The following ACSL5 variants were observed in gnomAD, a reference collection of about 807,000 sequenced individuals.
ACSL5 encodes the protein long-chain-fatty-acid--CoA ligase 5.
In ACSL5, 50 loss-of-function variants were observed where a neutral mutation model predicts 84.9. The observed-to-expected ratio is 0.59, with a 90% confidence interval of 0.47 to 0.75. The LOEUF (loss-of-function observed/expected upper bound fraction) is 0.75, where lower values mean the gene tolerates loss of function less well. Among genes scored for constraint, ACSL5 ranks in the 30% least tolerant of loss-of-function variants. The probability of loss-of-function intolerance (pLI) is 0.00; values close to 1 mark genes in which losing one functional copy is unlikely to be tolerated. For missense variants in ACSL5, 775 were observed against 830.4 expected (o/e 0.93, Z 0.82); for synonymous variants, 280 against 300.7 (o/e 0.93, Z 0.71).
chr10:112,377,906 G>A (rs892828049), intron 1 of ACSL5, among the ~76,000 whole-genome samples: 2 of 152,174 alleles, frequency 1.3e-5, no homozygotes, highest in Non-Finnish European at 2.9e-5. Context: ...GCATACCCCA[G>A]ATAAATGCAT....
chr10:112,381,048 G>T (rs1044598368), intron 1 of ACSL5, among the ~76,000 whole-genome samples: 7 of 152,120 alleles, frequency 4.6e-5, no homozygotes, highest in African/African-American at 1.7e-4. Context: ...GAGATTACAG[G>T]GATGGGCCAT....
In ACSL5 at chr10:112,416,967, A is replaced by T; in HGVS notation, c.1163A>T (p.Lys388Met). ...AVSSKFKELQ[K>M]GIIRHDSFWD... ...TCCAGTAAATTCAAAGAGCTTCAAA[A>T]GGGTATCATCAGGCATGATAGTTTC... is the stretch of plus-strand genomic sequence containing the variant. Residue 388 changes from lysine (K) to methionine (M), a missense_variant, in exon 13 of 21, where the codon AAG becomes ATG. Physicochemically the swap from Lys to Met is moderately conservative, Grantham distance 95. Transcript: ENST00000354655. 6.2e-7 allele frequency: 1 copy of T among 1,614,106 alleles called. No individual in the cohort carries two copies. The highest frequency in any genetic ancestry group is 8.5e-7 in the Non-Finnish European group (1 of 1,179,986).
At chr10:112,378,300 G>A (rs1422748735) in intron 1 of ACSL5, among the ~76,000 whole-genome samples, 6 of 125,900 alleles carry the variant, frequency 4.8e-5, no homozygotes, top group African/African-American at 1.8e-4. Flanking sequence ...AGGCTTGAGT[G>A]CAGTGGCAAC....
chr10:112,374,462 AG>A (rs1356385399), intron 1 of ACSL5, among the ~76,000 whole-genome samples, 193 bp downstream of exon 1: 2 of 152,196 alleles, frequency 1.3e-5, no homozygotes, highest in Non-Finnish European at 1.5e-5. Flanking sequence ...CAGTTGGAAA[AG>A]GGGTGGAGAT....
chr10:112,382,208 A>G (rs1470965642), intron 1 of ACSL5, among the ~76,000 whole-genome samples: 4 of 152,194 alleles, frequency 2.6e-5, no homozygotes, highest in Non-Finnish European at 5.9e-5. Context: ...TGCCCTTCTC[A>G]TGGCATGAAG....
At chr10:112,426,028 T>G (rs937813811) in intron 18 of ACSL5, among the ~76,000 whole-genome samples, 10 of 152,172 alleles carry the variant, frequency 6.6e-5, no homozygotes, top group African/African-American at 2.4e-4. Flanking sequence ...AGCTTAATGT[T>G]GAAGGATCAG....
intron 11 of ACSL5, 141 bp from the exon 12 acceptor site, chr10:112,413,032 C>A: frequency 1.2e-6 from 1 of 826,592 alleles, no homozygotes; most frequent in Non-Finnish European, 1.9e-6. Flanking sequence ...TGTGCCTCAG[C>A]CCACTTCCCA....
intron 18 of ACSL5, 168 bp downstream of exon 18, chr10:112,425,649 A>G: frequency 1.7e-6 from 1 of 582,582 alleles, no homozygotes; most frequent in South Asian, 4.1e-5. Flanking sequence ...AGGCAATTTC[A>G]ATTTAAAAAA....
chr10:112,393,708 C>A (rs1235359197), intron 1 of ACSL5, among the ~76,000 whole-genome samples: 1 of 152,228 alleles, frequency 6.6e-6, no homozygotes, highest in Non-Finnish European at 1.5e-5. Context: ...TTCTGAACTT[C>A]ATTTGCTGTC....
In ACSL5 at chr10:112,423,536, C is replaced by A. The variant is rs1048243396; in HGVS notation, c.1593+1095C>A. ...TTTTGGTATTTTGATCACACTGTTA[C>A]AGAAGACACCAAGATGTAGACCAGT... On this transcript the variant is annotated intron_variant, in intron 17 of 20. Transcript: ENST00000354655. Among the ~76,000 whole-genome samples, 10 of 151,906 alleles carry A rather than the reference C, an allele frequency of 6.6e-5. No homozygotes were observed. The South Asian group carries it at 2.1e-3, about 32-fold the overall frequency.
At chr10:112,374,794 T>C (rs1448607561) in intron 1 of ACSL5, among the ~76,000 whole-genome samples, 4 of 152,166 alleles carry the variant, frequency 2.6e-5, no homozygotes, top group Admixed American at 2.6e-4. Context: ...GCATAGTGCG[T>C]CTCCAGGCTG....
chr10:112,399,203 G>T (rs960920301), intron 3 of ACSL5, among the ~76,000 whole-genome samples, 194 bp downstream of exon 3: 1 of 152,174 alleles, frequency 6.6e-6, no homozygotes, highest in Non-Finnish European at 1.5e-5. Flanking sequence ...GACGGACTTA[G>T]GTTTGAAACC....
chr10:112,379,091 G>A (rs1564728734), intron 1 of ACSL5, among the ~76,000 whole-genome samples: 2 of 152,134 alleles, frequency 1.3e-5, no homozygotes, highest in African/African-American at 2.4e-5. Flanking sequence ...ACAACTAGAA[G>A]TGCTCTGTTT....
intron 14 of ACSL5, among the ~76,000 whole-genome samples, chr10:112,418,265 G>A (rs1844364337): frequency 6.6e-6 from 1 of 152,122 alleles, no homozygotes; most frequent in Admixed American, 6.6e-5. Flanking sequence ...TACCCCCATG[G>A]CAGTCAAAAA....
At chr10:112,385,637 C>T (rs1006510181) in intron 1 of ACSL5, among the ~76,000 whole-genome samples, 2 of 152,218 alleles carry the variant, frequency 1.3e-5, no homozygotes, top group Non-Finnish European at 2.9e-5. Context: ...TGTGAACTTT[C>T]AGCAAGCTCT....
chr10:112,418,256 A>AC (rs1031356849), intron 14 of ACSL5, among the ~76,000 whole-genome samples: 12 of 152,210 alleles, frequency 7.9e-5, no homozygotes, highest in Non-Finnish European at 1.2e-4. Context: ...AGGATTGCCT[A>AC]CCCCCATGGC....
intron 1 of ACSL5, among the ~76,000 whole-genome samples, chr10:112,385,662 G>A (rs1383573990): frequency 2.0e-5 from 3 of 152,090 alleles, no homozygotes; most frequent in Non-Finnish European, 2.9e-5. Context: ...TTGCTTTATT[G>A]GGTTATATTT....
At chr10:112,387,804 A>G (rs1457933214) in intron 1 of ACSL5, among the ~76,000 whole-genome samples, 2 of 152,240 alleles carry the variant, frequency 1.3e-5, no homozygotes, top group African/African-American at 4.8e-5. Context: ...GAACACAGAA[A>G]TCAATTAAAT....
intron 9 of ACSL5, among the ~76,000 whole-genome samples, chr10:112,410,941 T>C (rs527407114): frequency 1.3e-5 from 2 of 151,590 alleles, no homozygotes; most frequent in East Asian, 3.9e-4. Context: ...GCTGGAATGG[T>C]TTCATTCAAT....
Sources: gnomAD v4.1 joint callset for allele counts (sites outside exome capture counted in the v4.1 genomes callset) on GRCh38, gnomAD v4.1.1 for gene constraint, MANE v1.5 for transcripts, NCBI Gene and HGNC (gene_info 2026-07-23, HGNC 2026-07-21) for gene names.